Variants in DNAH8 observed in about 807,000 individuals in gnomAD.
DNAH8 encodes the protein axonemal beta dynein heavy chain 8.
In DNAH8, 382 loss-of-function variants were observed where a neutral mutation model predicts 562.1. That is an observed-to-expected ratio of 0.68 (90% confidence interval 0.63 to 0.74). The LOEUF (loss-of-function observed/expected upper bound fraction) is 0.74, where lower values mean the gene tolerates loss of function less well. DNAH8 is among the 30% of genes least tolerant of loss of function. The pLI is 0.00. For missense variants in DNAH8, 5,203 were observed against 5,620.4 expected, an observed-to-expected ratio of 0.93 and a Z score of 2.37; for synonymous variants, 1,881 against 1,919.4, an observed-to-expected ratio of 0.98 and a Z score of 0.52.
At chr6:38,953,025 A>AT (rs1420799788) in intron 82 of DNAH8, 11 of 152,168 alleles carry the variant, frequency 7.2e-5, no homozygotes, top group African/African-American at 1.9e-4. Flanking sequence ...ACACAGGTAT[A>AT]TTTTTTCTCT....
chr6:38,963,210 C>T (rs550059225), intron 82 of DNAH8, among the ~76,000 whole-genome samples: 59 of 145,218 alleles, frequency 4.1e-4, no homozygotes, highest in African/African-American at 1.4e-3. Context: ...AGGCTGGGGA[C>T]TATAGCATTC....
At chr6:38,910,109 C>T (rs1486055286) in intron 65 of DNAH8, among the ~76,000 whole-genome samples, 7 of 152,156 alleles carry the variant, frequency 4.6e-5, no homozygotes, top group Non-Finnish European at 7.3e-5. Flanking sequence ...GATTAAAGTA[C>T]ACTGCTTCTA....
At position 38,951,527 on chromosome 6, in the gene DNAH8, C is replaced by T. The variant is rs373136243; in HGVS notation, c.12451+7C>T. ...GCCAAGAAACTGAAACTGGGTAAGA[C>T]TAGCAATCTACAAAATGTAGCAACA... On this transcript the variant is annotated splice_region_variant and intron_variant, in intron 82 of 92. Coordinates refer to ENST00000327475, the MANE Select transcript of DNAH8 (RefSeq NM_001206927.2). 4 of 1,605,242 alleles carry T rather than the reference C, an allele frequency of 2.5e-6. No individual in the cohort carries two copies. The highest frequency in any genetic ancestry group is 1.7e-4 in the Middle Eastern group (1 of 6,058).
chr6:38,783,156 C>T lies in DNAH8; in HGVS notation c.2395+17C>T. The T allele has an allele frequency of 6.2e-7, 1 of 1,610,286 alleles. No homozygotes were observed. The highest frequency in any genetic ancestry group is 8.5e-7 in the Non-Finnish European group (1 of 1,178,736). On this transcript the variant is annotated intron_variant, in intron 17 of 92. Transcript: ENST00000327475. ...TGCATTACGGTGTGTATAACACTGC[C>T]ATGAGCCTACAAAGTAGGGATTAGG...
rs184258766 is a variant in DNAH8, at chr6:38,973,930, G to T, written c.12678+117G>T. The stretch of plus-strand genomic sequence containing the variant: ...TGGTCCTGTAGGGTCTGGACTGCAA[G>T]ATCTTATACTATAATACTATAATCA... On this transcript the variant is annotated intron_variant, in intron 84 of 92. Coordinates refer to ENST00000327475, the MANE Select transcript of DNAH8 (RefSeq NM_001206927.2). The T allele has an allele frequency of 1.4e-3, 928 of 678,764 alleles. 4 individuals carry two copies. Among genetic ancestry groups the T allele is most frequent in the Admixed American group, 3.2e-3 (98 of 30,770 alleles). 42.0% of individuals were successfully genotyped at this position (678,764 alleles called of 1,614,324 possible).
chr6:38,795,226 T>A (rs1770120103), intron 21 of DNAH8, among the ~76,000 whole-genome samples: 1 of 152,162 alleles, frequency 6.6e-6, no homozygotes, highest in Non-Finnish European at 1.5e-5. Flanking sequence ...TTTTTCATCA[T>A]CTCAAACTAA....
intron 72 of DNAH8, 90 bp from the exon 73 acceptor site, chr6:38,923,901 C>A: frequency 7.3e-7 from 1 of 1,367,124 alleles, no homozygotes; most frequent in Non-Finnish European, 1.0e-6. Flanking sequence ...AGAAGGATTT[C>A]ACCCAGTAAC....
At chr6:38,870,208 T>A (rs1777361925) in intron 48 of DNAH8, among the ~76,000 whole-genome samples, 193 bp from the exon 49 acceptor site, 1 of 151,962 alleles carries the variant, frequency 6.6e-6, no homozygotes, top group South Asian at 2.1e-4. Context: ...CGATTCCAGA[T>A]GAGATTTGGG....
intron 37 of DNAH8, among the ~76,000 whole-genome samples, chr6:38,849,783 A>G (rs987003188): frequency 3.3e-5 from 5 of 152,152 alleles, no homozygotes; most frequent in African/African-American, 1.2e-4. Context: ...GCGAAAATGT[A>G]AATGAAACTT....
At chr6:38,736,370 T>C (rs1764089296) in intron 5 of DNAH8, among the ~76,000 whole-genome samples, 4 of 152,186 alleles carry the variant, frequency 2.6e-5, no homozygotes, top group Admixed American at 2.6e-4. Flanking sequence ...ACTAAGATGC[T>C]AGTTGCCCTT....
chr6:38,821,424 A>G (rs1191317123), intron 26 of DNAH8, among the ~76,000 whole-genome samples: 3 of 152,224 alleles, frequency 2.0e-5, no homozygotes, highest in Non-Finnish European at 1.5e-5. Context: ...TACAATCTCT[A>G]TCAAAATCCC....
At chr6:38,770,113 C>G (rs571780824) in intron 11 of DNAH8, among the ~76,000 whole-genome samples, 6 of 152,042 alleles carry the variant, frequency 3.9e-5, no homozygotes, top group Non-Finnish European at 8.8e-5. Flanking sequence ...AAGATGGATG[C>G]GAACTGAATA....
At chr6:38,933,420 A>G (rs6458086) in intron 76 of DNAH8, among the ~76,000 whole-genome samples, 32,989 of 152,064 alleles carry the variant, frequency 0.22, 5,656 homozygotes, top group African/African-American at 0.47. Context: ...ATTTTTACAG[A>G]TGAGCAAATG....
At chr6:38,906,205 C>G (rs936981326) in intron 62 of DNAH8, 49 bp from the exon 63 acceptor site, 1 of 1,325,532 alleles carries the variant, frequency 7.5e-7, no homozygotes, top group African/African-American at 1.5e-5. Context: ...CCGCGCCCAG[C>G]CGACTATATA....
chr6:38,725,524 G>C (rs1582832259), intron 3 of DNAH8, among the ~76,000 whole-genome samples: 1 of 152,132 alleles, frequency 6.6e-6, no homozygotes. Context: ...TTGATGCAAA[G>C]ACTTCAATAG....
In DNAH8 at chr6:38,911,694, T is replaced by G. The variant is rs980604035; in HGVS notation, c.9859+108T>G. On this transcript the variant is annotated intron_variant, in intron 66 of 92. Transcript: ENST00000327475. Reference sequence around the variant, plus strand: ...TTGTCTGAAAATGAAATACTCACTTTGTTAGTAGTAGATAATTTTAAAGGA... The same window carrying G: ...TTGTCTGAAAATGAAATACTCACTTGGTTAGTAGTAGATAATTTTAAAGGA... 1.9e-5 allele frequency: 14 copies of G among 749,128 alleles called. 1 individual carries two copies. The East Asian group carries it at 3.3e-4, about 17-fold the overall frequency. 46.4% of individuals were successfully genotyped at this position (749,128 alleles called of 1,614,324 possible).
chr6:38,891,944 C>T (rs1040346565), intron 58 of DNAH8, among the ~76,000 whole-genome samples: 1 of 152,128 alleles, frequency 6.6e-6, no homozygotes, highest in African/African-American at 2.4e-5. Context: ...TTGATCTTGC[C>T]ACATCTCAAG....
At chr6:38,942,178 G>C (rs181573242) in intron 79 of DNAH8, among the ~76,000 whole-genome samples, 2 of 152,160 alleles carry the variant, frequency 1.3e-5, no homozygotes, top group African/African-American at 2.4e-5. Flanking sequence ...GCCACCCAGC[G>C]TATGGTATTT....
chr6:38,730,038 G>A lies in DNAH8; in HGVS notation c.610+52G>A. 1.8e-5 allele frequency: 15 copies of A among 822,520 alleles called. No homozygotes were observed. The South Asian group carries it at 2.2e-4, about 12-fold the overall frequency. 51.0% of individuals were successfully genotyped at this position (822,520 alleles called of 1,614,324 possible). A position where few individuals can be genotyped will look rare whatever the true frequency, so the allele number is the denominator to read the frequency against. On this transcript the variant is annotated intron_variant, in intron 4 of 92. Coordinates refer to ENST00000327475, the MANE Select transcript of DNAH8 (RefSeq NM_001206927.2). The stretch of plus-strand genomic sequence containing the variant: ...CAGTAATTAGTTCATGCACGTTAAA[G>A]TGCAGCATATTTTTTCTCTTATACA...
Sources: allele counts gnomAD v4.1 joint callset (sites outside exome capture counted in the v4.1 genomes callset), GRCh38; gene constraint gnomAD v4.1.1; transcripts MANE v1.5; gene names NCBI Gene and HGNC (gene_info 2026-07-23, HGNC 2026-07-21).